GALNTL6: variants seen among roughly 807,000 people sequenced by gnomAD.
GALNTL6 encodes the protein polypeptide N-acetylgalactosaminyltransferase-like 6.
Under a neutral mutation model 73.7 loss-of-function variants are expected in GALNTL6, and 46 were observed. The observed-to-expected ratio is 0.62, with a 90% CI of 0.49 to 0.80. The LOEUF (loss-of-function observed/expected upper bound fraction) is 0.80. Among genes scored for constraint, GALNTL6 ranks in the 30% least tolerant of loss-of-function variants. The pLI is 0.00. For synonymous variants in GALNTL6, 259 were observed against 263.7 expected, an observed-to-expected ratio of 0.98 and a Z score of 0.17; for missense variants, 604 against 755.0, an observed-to-expected ratio of 0.80 and a Z score of 2.34.
At chr4:171,888,599 T>C (rs1736672571) in intron 2 of GALNTL6, among the ~76,000 whole-genome samples, 3 of 152,106 alleles carry the variant, frequency 2.0e-5, no homozygotes, top group Non-Finnish European at 2.9e-5. Flanking sequence ...GAAATACCAA[T>C]TGGCAAAATC....
chr4:172,301,555 G>A (rs1327394272), intron 3 of GALNTL6, among the ~76,000 whole-genome samples: 1 of 152,106 alleles, frequency 6.6e-6, no homozygotes, highest in African/African-American at 2.4e-5. Context: ...TGGTGTGGAT[G>A]TCCTTTCTGT....
At chr4:173,023,987 T>G (rs1259800793) in intron 12 of GALNTL6, among the ~76,000 whole-genome samples, 4 of 152,190 alleles carry the variant, frequency 2.6e-5, no homozygotes, top group Admixed American at 6.5e-5. Flanking sequence ...TGGTTCCTAA[T>G]GAACAGAACA....
intron 3 of GALNTL6, among the ~76,000 whole-genome samples, chr4:172,248,508 G>A (rs1682408910): frequency 6.6e-6 from 1 of 152,110 alleles, no homozygotes; most frequent in African/African-American, 2.4e-5. Context: ...ATTTATCACA[G>A]GGAGGTAAAG....
intron 2 of GALNTL6, among the ~76,000 whole-genome samples, chr4:171,887,625 G>A (rs1578942575): frequency 6.6e-6 from 1 of 152,074 alleles, no homozygotes; most frequent in South Asian, 2.1e-4. Flanking sequence ...AGGAGCTGTG[G>A]GTGACTGTCA....
chr4:172,208,593 G>A (rs577349503), intron 2 of GALNTL6, among the ~76,000 whole-genome samples: 6 of 152,192 alleles, frequency 3.9e-5, no homozygotes, highest in Admixed American at 6.5e-5. Flanking sequence ...AAAGCTGGGA[G>A]GCGTTGTGTA....
At chr4:173,036,043 G>A (rs1049423617) in intron 12 of GALNTL6, among the ~76,000 whole-genome samples, 5 of 152,082 alleles carry the variant, frequency 3.3e-5, no homozygotes, top group Non-Finnish European at 5.9e-5. Context: ...AATATGTGAG[G>A]CATACTGTCA....
At chr4:172,442,249 C>T (rs1731862074) in intron 5 of GALNTL6, among the ~76,000 whole-genome samples, 1 of 152,092 alleles carries the variant, frequency 6.6e-6, no homozygotes, top group Non-Finnish European at 1.5e-5. Context: ...TGAGTTTTCT[C>T]ACTTCTCTGT....
intron 2 of GALNTL6, among the ~76,000 whole-genome samples, chr4:171,916,920 C>T (rs1201241926): frequency 6.6e-6 from 1 of 151,968 alleles, no homozygotes; most frequent in Non-Finnish European, 1.5e-5. Context: ...AGAAGAAAAT[C>T]ACCTTTCTGC....
At position 172,441,898 on chromosome 4, in the gene GALNTL6, T is replaced by C. The variant is rs1446144218; in HGVS notation, c.553+93209T>C. Among the ~76,000 whole-genome samples the C allele has an allele frequency of 8.1e-5, 3 of 37,042 alleles. No homozygotes were observed. The East Asian group carries it at 1.5e-3, about 18-fold the overall frequency. 24.3% of individuals were successfully genotyped at this position (37,042 alleles called of 152,430 possible). A position where few individuals can be genotyped will look rare whatever the true frequency, so the allele number is the denominator to read the frequency against. On this transcript the variant is annotated intron_variant, in intron 5 of 12. Coordinates refer to ENST00000506823, the MANE Select transcript of GALNTL6 (RefSeq NM_001034845.3). Reference sequence around the variant, plus strand: ...AATTTGTAGTTTCATGAGATAAGAATTGATTTTTTTTTAAGTGTAGTTGAT... The same window carrying C: ...AATTTGTAGTTTCATGAGATAAGAACTGATTTTTTTTTAAGTGTAGTTGAT...
intron 5 of GALNTL6, among the ~76,000 whole-genome samples, chr4:172,784,533 C>A (rs79129561): frequency 0.027 from 4,050 of 152,114 alleles, 168 homozygotes; most frequent in African/African-American, 0.09. Flanking sequence ...GTAGACAGGG[C>A]AATATACCTT....
At chr4:172,612,303 G>A (rs2111051579) in intron 5 of GALNTL6, among the ~76,000 whole-genome samples, 1 of 152,156 alleles carries the variant, frequency 6.6e-6, no homozygotes, top group East Asian at 1.9e-4. Flanking sequence ...ATATGAATCG[G>A]TATTATGATG....
chr4:171,849,325 CA>C (rs1256975689), intron 2 of GALNTL6, among the ~76,000 whole-genome samples: 3 of 152,146 alleles, frequency 2.0e-5, no homozygotes, highest in African/African-American at 7.2e-5. Context: ...GAACACTCGC[CA>C]TTTATGTATT....
chr4:172,410,968 C>G (rs1037592053), intron 5 of GALNTL6, among the ~76,000 whole-genome samples: 1 of 152,060 alleles, frequency 6.6e-6, no homozygotes, highest in African/African-American at 2.4e-5. Context: ...TAGCTTTTCA[C>G]TTTAGGCAAA....
At chr4:172,187,302 G>A (rs1298572548) in intron 2 of GALNTL6, among the ~76,000 whole-genome samples, 4 of 152,024 alleles carry the variant, frequency 2.6e-5, no homozygotes, top group Non-Finnish European at 2.9e-5. Context: ...TGCTTTGGGA[G>A]TCTATTTTTA....
chr4:172,514,639 T>C (rs1734537564), intron 5 of GALNTL6, among the ~76,000 whole-genome samples: 1 of 152,174 alleles, frequency 6.6e-6, no homozygotes, highest in Non-Finnish European at 1.5e-5. Flanking sequence ...TTGAAATTAC[T>C]ACAAAGTTCA....
intron 2 of GALNTL6, among the ~76,000 whole-genome samples, chr4:172,093,399 C>T (rs1005575495): frequency 1.3e-5 from 2 of 152,002 alleles, no homozygotes; most frequent in African/African-American, 4.8e-5. Flanking sequence ...TGTTATTTAA[C>T]AAAAACCACA....
intron 7 of GALNTL6, among the ~76,000 whole-genome samples, chr4:172,834,975 G>A (rs1742831400): frequency 6.6e-6 from 1 of 152,232 alleles, no homozygotes; most frequent in African/African-American, 2.4e-5. Flanking sequence ...TGTAATGCCT[G>A]AAGAAGACAC....
intron 5 of GALNTL6, among the ~76,000 whole-genome samples, chr4:172,687,414 G>A (rs1331456928): frequency 6.6e-6 from 1 of 151,944 alleles, no homozygotes; most frequent in Non-Finnish European, 1.5e-5. Context: ...CGGATCACCA[G>A]GTCAGAAGTT....
Position 172,121,285 on chromosome 4 carries a change from G to A in GALNTL6, c.139-108371G>A, listed in dbSNP as rs1733144241. ...TGTGTGTGTGTGTGTGTGTGTGTGTGTGTGTGTGTGTAAGTTTGTAATTAC... is the reference window on the plus strand; with the variant it reads ...TGTGTGTGTGTGTGTGTGTGTGTGTATGTGTGTGTGTAAGTTTGTAATTAC... On this transcript the variant is annotated intron_variant, in intron 2 of 12. Transcript: ENST00000506823. Among the ~76,000 whole-genome samples, 4 of 151,810 alleles carry A rather than the reference G, an allele frequency of 2.6e-5. No homozygotes were observed. In the South Asian group the frequency reaches 8.3e-4, roughly 32 times the overall value.
Sources: gnomAD v4.1 joint callset for allele counts (sites outside exome capture counted in the v4.1 genomes callset) on GRCh38, gnomAD v4.1.1 for gene constraint, MANE v1.5 for transcripts, NCBI Gene and HGNC (gene_info 2026-07-23, HGNC 2026-07-21) for gene names.